Variants in MTF2 observed in about 807,000 individuals in gnomAD.
MTF2 encodes the protein metal response element binding transcription factor 2, also known as metal-response element-binding transcription factor 2.
A neutral mutation model predicts 79.5 loss-of-function variants in MTF2; 11 were observed. That is an observed-to-expected ratio of 0.14 (90% CI 0.09 to 0.23). MTF2 has a LOEUF of 0.23. Among genes scored for constraint, MTF2 ranks in the 10% least tolerant of loss-of-function variants. The pLI is 1.00. For synonymous variants in MTF2, 208 were observed against 232.8 expected, an observed-to-expected ratio of 0.89 and a Z score of 0.97; for missense variants, 486 against 711.2, an observed-to-expected ratio of 0.68 and a Z score of 3.60.
intron 1 of MTF2, among the ~76,000 whole-genome samples, chr1:93,104,543 G>A (rs989994040): frequency 2.6e-5 from 4 of 151,760 alleles, no homozygotes; most frequent in African/African-American, 2.4e-5. Context: ...GCTGGGCGTG[G>A]TGGCATGCAC....
At chr1:93,124,808 AG>A (rs1261330634) in intron 9 of MTF2, among the ~76,000 whole-genome samples, 1 of 151,924 alleles carries the variant, frequency 6.6e-6, no homozygotes, top group African/African-American at 2.4e-5. Flanking sequence ...GTGTGAGATT[AG>A]TATCTGGAGA....
intron 11 of MTF2, among the ~76,000 whole-genome samples, chr1:93,130,451 C>T (rs1427313493): frequency 3.3e-5 from 5 of 152,102 alleles, no homozygotes; most frequent in Non-Finnish European, 5.9e-5. Flanking sequence ...GTGGCTTTTG[C>T]CTGTAGTCCC....
At position 93,095,539 on chromosome 1, in the gene MTF2, C is replaced by G. The variant is rs561984315; in HGVS notation, c.6-14691C>G. On this transcript the variant is annotated intron_variant, in intron 1 of 14. Transcript: ENST00000370298. ...TATTTTTAGTAGAGACGGGATTTCA[C>G]CATGTTGGCCAGGATGGTCTCGAAC... Among the ~76,000 whole-genome samples, 4 of 152,048 alleles carry G rather than the reference C, an allele frequency of 2.6e-5. No individual in the cohort carries two copies. In the South Asian group the frequency reaches 6.2e-4, roughly 24 times the overall value.
chr1:93,109,544 A>T (rs936898738), intron 1 of MTF2, among the ~76,000 whole-genome samples: 6 of 152,192 alleles, frequency 3.9e-5, no homozygotes, highest in African/African-American at 1.4e-4. Context: ...CATGTTGGCC[A>T]GGCTGGTCTT....
At chr1:93,125,219 A>C (rs549557521) in intron 9 of MTF2, among the ~76,000 whole-genome samples, 12 of 152,084 alleles carry the variant, frequency 7.9e-5, no homozygotes, top group African/African-American at 2.9e-4. Flanking sequence ...TTTAAAAGGC[A>C]ATAAGGAAAA....
Position 93,104,938 on chromosome 1 carries a change from C to T in MTF2, c.6-5292C>T, listed in dbSNP as rs573826025. Among the ~76,000 whole-genome samples the T allele has an allele frequency of 9.2e-4, 140 of 151,920 alleles. 1 individual carries two copies. The highest frequency in any genetic ancestry group is 3.3e-3 in the South Asian group (16 of 4,810). Reference sequence around the variant, plus strand: ...TTGGGAGGCCGAGGCAGGCAGATCACGAGGTCAGGAGATCGAGACCAAGGT... The same window carrying T: ...TTGGGAGGCCGAGGCAGGCAGATCATGAGGTCAGGAGATCGAGACCAAGGT... On this transcript the variant is annotated intron_variant, in intron 1 of 14. Coordinates refer to ENST00000370298, the MANE Select transcript of MTF2 (RefSeq NM_007358.4).
intron 3 of MTF2, among the ~76,000 whole-genome samples, chr1:93,111,800 C>T (rs1198789364): frequency 6.6e-6 from 1 of 152,142 alleles, no homozygotes; most frequent in Non-Finnish European, 1.5e-5. Context: ...GATCTTACTA[C>T]CCTGCACACA....
At chr1:93,083,830 T>C (rs892097964) in intron 1 of MTF2, among the ~76,000 whole-genome samples, 1 of 152,262 alleles carries the variant, frequency 6.6e-6, no homozygotes, top group Non-Finnish European at 1.5e-5. Context: ...GCTAATTATA[T>C]TGAGGATCTT....
At chr1:93,118,063 A>G (rs1478069278) in intron 6 of MTF2, among the ~76,000 whole-genome samples, 1 of 152,116 alleles carries the variant, frequency 6.6e-6, no homozygotes, top group Non-Finnish European at 1.5e-5. Flanking sequence ...AACAGAGCTC[A>G]TTTGACTAGT....
Position 93,114,827 on chromosome 1 carries a change from A to G in MTF2, c.382+44A>G, listed in dbSNP as rs150973732. 1,702 of 1,452,560 alleles carry G rather than the reference A, an allele frequency of 1.2e-3. 2 individuals carry two copies. The highest frequency in any genetic ancestry group is 1.5e-3 in the Non-Finnish European group (1,563 of 1,054,812). The allele number at this position is 1,452,560 out of a possible 1,614,324, so 90.0% of individuals were successfully genotyped here. ...TAATCTTGTTACATACTGAATGACT[A>G]TGTTGAAGATTAATGACTAAAAATA... On this transcript the variant is annotated intron_variant, in intron 4 of 14. Coordinates refer to ENST00000370298, the MANE Select transcript of MTF2 (RefSeq NM_007358.4).
chr1:93,095,938 G>A (rs536134392), intron 1 of MTF2, among the ~76,000 whole-genome samples: 1 of 152,200 alleles, frequency 6.6e-6, no homozygotes, highest in South Asian at 2.1e-4. Flanking sequence ...GCAGGCGTGA[G>A]CCCCTGCACC....
chr1:93,106,025 A>G (rs575295674), intron 1 of MTF2, among the ~76,000 whole-genome samples: 25 of 152,016 alleles, frequency 1.6e-4, no homozygotes, highest in Non-Finnish European at 3.2e-4. Flanking sequence ...AATCTCAGTA[A>G]TTTTTTCCTG....
chr1:93,097,102 G>A (rs377490604), intron 1 of MTF2, among the ~76,000 whole-genome samples: 3 of 152,144 alleles, frequency 2.0e-5, no homozygotes, highest in East Asian at 1.9e-4. Context: ...GAGCCACTGC[G>A]CCTGGCCTAA....
At chr1:93,118,175 A>G (rs1466003651) in intron 6 of MTF2, among the ~76,000 whole-genome samples, 170 bp from the exon 7 acceptor site, 1 of 152,158 alleles carries the variant, frequency 6.6e-6, no homozygotes, top group Non-Finnish European at 1.5e-5. Flanking sequence ...AGCTGATACT[A>G]TAAGCCTTTT....
Position 93,136,808 on chromosome 1 carries a change from C to T in MTF2, c.1563C>T (p.Gly521=), listed in dbSNP as rs2101103928. 1 of 1,614,068 alleles carries T rather than the reference C, an allele frequency of 6.2e-7. No individual in the cohort carries two copies. Among genetic ancestry groups the T allele is most frequent in the Non-Finnish European group, 8.5e-7 (1 of 1,179,998 alleles). ...QNSEIVKDDE[G]KEDYQFDELN... ...CAGAAATTGTAAAAGATGATGAAGG[C>T]AAAGAAGATTATCAGTTTGATGAAC... The change falls in exon 15 of 15, where the codon GGC becomes GGT. Residue 521 remains glycine, a synonymous_variant. Transcript: ENST00000370298.
intron 1 of MTF2, among the ~76,000 whole-genome samples, chr1:93,104,355 C>G (rs1053666547): frequency 3.3e-5 from 5 of 151,782 alleles, no homozygotes; most frequent in South Asian, 2.1e-4. Flanking sequence ...TTACTTAAAG[C>G]AAAACAGATG....
intron 1 of MTF2, among the ~76,000 whole-genome samples, chr1:93,092,689 A>G (rs997586065): frequency 1.3e-5 from 2 of 152,210 alleles, no homozygotes; most frequent in Admixed American, 6.5e-5. Flanking sequence ...TAGATGAAAC[A>G]TAATGTTATA....
intron 1 of MTF2, among the ~76,000 whole-genome samples, chr1:93,091,159 C>T (rs1490427047): frequency 2.0e-5 from 3 of 152,066 alleles, no homozygotes; most frequent in African/African-American, 4.8e-5. Context: ...TCGTATGTGA[C>T]GTTTGAATTG....
chr1:93,079,305 C>T lies in MTF2; in HGVS notation c.-222C>T, dbSNP rs528548397. ...GGCAGTCCGCGGGAAACCAAAATGG[C>T]GAGGGGCTGTATTGAAGTGGGCTGT... On this transcript the variant is annotated 5_prime_UTR_variant, in exon 1 of 15. Transcript: ENST00000370298. 1.3e-5 allele frequency: 7 copies of T among 548,700 alleles called. No individual in the cohort carries two copies. The highest frequency in any genetic ancestry group is 2.3e-5 in the Non-Finnish European group (7 of 307,868). 34.0% of individuals were successfully genotyped at this position (548,700 alleles called of 1,614,324 possible).
Sources: gnomAD v4.1 joint callset for allele counts (sites outside exome capture counted in the v4.1 genomes callset) on GRCh38, gnomAD v4.1.1 for gene constraint, MANE v1.5 for transcripts, NCBI Gene and HGNC (gene_info 2026-07-23, HGNC 2026-07-21) for gene names.